The following CCR6 variants were observed in gnomAD, a reference collection of about 807,000 sequenced individuals.
CCR6 encodes C-C motif chemokine receptor 6.
In CCR6, 2 loss-of-function variants were observed where a neutral mutation model predicts 3.0. The ratio of observed to expected loss-of-function variants is 0.66; its 90% CI spans 0.27 to 2.07. The LOEUF (loss-of-function observed/expected upper bound fraction) is 2.07, where lower values mean the gene tolerates loss of function less well. Among genes scored for constraint, CCR6 ranks in the 30% most tolerant of loss-of-function variants. The pLI is 0.14. For missense variants in CCR6, 322 were observed against 462.8 expected (o/e 0.70, Z 2.79); for synonymous variants, 193 against 184.3 (o/e 1.05, Z -0.38).
chr6:167,114,486 T>C (rs965825701), intron 1 of CCR6, among the ~76,000 whole-genome samples: 8 of 152,124 alleles, frequency 5.3e-5, no homozygotes, highest in African/African-American at 1.9e-4. Context: ...ACAGTGCACT[T>C]GGAAACCCTT....
chr6:167,132,161 G>A (rs780609427), intron 1 of CCR6, among the ~76,000 whole-genome samples: 4 of 152,170 alleles, frequency 2.6e-5, no homozygotes, highest in East Asian at 3.9e-4. Context: ...TTAGTCGCCC[G>A]TTCCTTTTCA....
rs373043902 is a variant in CCR6 at position 167,137,407 on chromosome 6, T to A, written c.*52T>A. 3.1e-5 allele frequency: 48 copies of A among 1,524,312 alleles called. No individual in the cohort carries two copies. In the African/African-American group the frequency reaches 6.0e-4, roughly 19 times the overall value. 94.4% of individuals were successfully genotyped at this position (1,524,312 alleles called of 1,614,324 possible). A position where few individuals can be genotyped will look rare whatever the true frequency, so the allele number is the denominator to read the frequency against. Reference sequence around the variant, plus strand: ...GTGTGAAACATACTCATAGATGTTATGCAAAAAAAAGTCTATGGCCAGGTA... The same window carrying A: ...GTGTGAAACATACTCATAGATGTTAAGCAAAAAAAAGTCTATGGCCAGGTA... On this transcript the variant is annotated 3_prime_UTR_variant, in exon 3 of 3. Transcript: ENST00000341935. The surrounding 1 kb of genome is among the most constrained non-coding windows in gnomAD (Gnocchi z 4.6).
chr6:167,122,508 G>T (rs1301512267), upstream of CCR6, among the ~76,000 whole-genome samples: 1 of 152,204 alleles, frequency 6.6e-6, no homozygotes, highest in East Asian at 1.9e-4. The surrounding 1 kb of genome is among the most constrained non-coding windows in gnomAD (Gnocchi z 4.2). Context: ...TGCTCTCAAA[G>T]TATCTTGTAA....
In CCR6 at chr6:167,138,369, C is replaced by T. The variant is rs1046307596; in HGVS notation, c.*1014C>T. On this transcript the variant is annotated 3_prime_UTR_variant, in exon 3 of 3. Transcript: ENST00000341935. Reference sequence around the variant, plus strand: ...GACAATGTAGAAAGAAGTTTTGTTCCGTTTCTTTAATGTGGTTGAAGAGCA... The same window carrying T: ...GACAATGTAGAAAGAAGTTTTGTTCTGTTTCTTTAATGTGGTTGAAGAGCA... 8.0e-5 allele frequency: 12 copies of T among 150,394 alleles called. No individual in the cohort carries two copies. The highest frequency in any genetic ancestry group is 2.9e-4 in the African/African-American group (12 of 40,690). The allele number at this position is 150,394 out of a possible 1,614,324, so 9.3% of individuals were successfully genotyped here. A position where few individuals can be genotyped will look rare whatever the true frequency, so the allele number is the denominator to read the frequency against.
chr6:167,136,560 G>T lies in CCR6; in HGVS notation c.330G>T (p.Ala110=). The T allele has an allele frequency of 1.2e-6, 2 of 1,603,984 alleles. No homozygotes were observed. The highest frequency in any genetic ancestry group is 1.7e-6 in the Non-Finnish European group (2 of 1,173,982). The change falls in exon 3 of 3, where the codon GCG becomes GCT. Residue 110 remains alanine, a synonymous_variant. Coordinates refer to ENST00000341935, the MANE Select transcript of CCR6 (RefSeq NM_031409.4). This position sits in a 1 kb window ranked among gnomAD's most constrained non-coding sequence, Gnocchi z 4.6. ...PFWAVSHATG[A]WVFSNATCKL... ...GGGCAGTGAGTCATGCCACCGGTGC[G>T]TGGGTTTTCAGCAATGCCACGTGCA...
intron 1 of CCR6, among the ~76,000 whole-genome samples, chr6:167,114,365 G>C (rs1237098774): frequency 6.6e-6 from 1 of 152,192 alleles, no homozygotes; most frequent in Non-Finnish European, 1.5e-5. Flanking sequence ...GTGGTCTTCT[G>C]AGCAGTGGTA....
At position 167,137,118 on chromosome 6, in the gene CCR6, T is replaced by A; in HGVS notation, c.888T>A (p.Tyr296Ter). The change falls in exon 3 of 3, where the codon TAT becomes TAA. Residue 296 changes from tyrosine (Y) to a stop codon, truncating the protein, a stop_gained. Coordinates refer to ENST00000341935, the MANE Select transcript of CCR6 (RefSeq NM_031409.4). LOFTEE classifies it low-confidence loss of function (END_TRUNC). This position sits in a 1 kb window ranked among gnomAD's most constrained non-coding sequence, Gnocchi z 4.6. ...GCCAGAGCGAAAAGCTAATTGGCTA[T>A]ACGAAAACTGTCACAGAAGTCCTGG... Reference protein sequence around the residue: ...RSCQSEKLIGYTKTVTEVLAF... With the variant: ...RSCQSEKLIG 1.2e-6 allele frequency: 2 copies of A among 1,614,174 alleles called. No individual in the cohort carries two copies. The highest frequency in any genetic ancestry group is 1.7e-6 in the Non-Finnish European group (2 of 1,180,028).
intron 1 of CCR6, among the ~76,000 whole-genome samples, chr6:167,127,834 C>A (rs1310902764): frequency 2.6e-5 from 4 of 152,174 alleles, no homozygotes; most frequent in African/African-American, 4.8e-5. Context: ...TCCCAGGCTT[C>A]TTTCCACTAG....
chr6:167,123,693 T>C (rs1018878372), intron 1 of CCR6, among the ~76,000 whole-genome samples: 1 of 151,764 alleles, frequency 6.6e-6, no homozygotes, highest in East Asian at 1.9e-4. Context: ...TGAGGGGGAG[T>C]TAAGAGAAAT....
intron 1 of CCR6, among the ~76,000 whole-genome samples, chr6:167,130,294 C>T (rs1485535918): frequency 1.3e-5 from 2 of 151,790 alleles, no homozygotes; most frequent in African/African-American, 4.9e-5. Flanking sequence ...TTCCCTGCAT[C>T]TCTCATCTGC....
intron 1 of CCR6, among the ~76,000 whole-genome samples, chr6:167,117,403 CTTTTTT>C (rs1304218953): frequency 1.9e-5 from 2 of 105,022 alleles, no homozygotes; most frequent in African/African-American, 6.9e-5. Flanking sequence ...ACTCTATTTT[CTTTTTT>C]TTTTTCTTTT....
intron 1 of CCR6, among the ~76,000 whole-genome samples, chr6:167,117,694 C>A (rs1205310190): frequency 6.6e-6 from 1 of 151,940 alleles, no homozygotes; most frequent in Non-Finnish European, 1.5e-5. Flanking sequence ...GGATTACAGG[C>A]GTGAGCCACC....
At chr6:167,124,701 C>T (rs965939916) in intron 1 of CCR6, among the ~76,000 whole-genome samples, 9 of 152,072 alleles carry the variant, frequency 5.9e-5, no homozygotes, top group Admixed American at 5.9e-4. Context: ...ATGATGTCTA[C>T]CTTAAAGGGT....
intron 1 of CCR6, among the ~76,000 whole-genome samples, chr6:167,117,706 C>T (rs554109055): frequency 1.1e-4 from 17 of 152,102 alleles, no homozygotes; most frequent in East Asian, 3.9e-4. Flanking sequence ...TGAGCCACCG[C>T]GCCCGGCCTC....
intron 1 of CCR6, among the ~76,000 whole-genome samples, chr6:167,113,606 C>G (rs982579251): frequency 6.6e-6 from 1 of 152,170 alleles, no homozygotes; most frequent in African/African-American, 2.4e-5. Flanking sequence ...CAGGGTTGGA[C>G]GACGCCCAGC....
At chr6:167,117,415 C>CTTTTT (rs35058463) in intron 1 of CCR6, among the ~76,000 whole-genome samples, 6 of 109,896 alleles carry the variant, frequency 5.5e-5, no homozygotes, top group African/African-American at 7.5e-5. Context: ...TTTTTTTTTT[C>CTTTTT]TTTTTTTTTT....
chr6:167,130,102 G>A (rs572705022), intron 1 of CCR6, among the ~76,000 whole-genome samples: 20 of 151,864 alleles, frequency 1.3e-4, no homozygotes, highest in Admixed American at 1.2e-3. Flanking sequence ...TGAGCTGAAT[G>A]TATTTTACAT....
chr6:167,117,333 G>C (rs1474926681), intron 1 of CCR6, among the ~76,000 whole-genome samples: 2 of 151,032 alleles, frequency 1.3e-5, no homozygotes, highest in Non-Finnish European at 2.9e-5. Context: ...AATGGAAGGT[G>C]TTACCTGCTT....
At chr6:167,117,449 C>G (rs1326103296) in intron 1 of CCR6, among the ~76,000 whole-genome samples, 1 of 128,620 alleles carries the variant, frequency 7.8e-6, no homozygotes, top group Non-Finnish European at 1.6e-5. Flanking sequence ...CGGAGTTTCG[C>G]TCTGTCGCCC....
Sources: gnomAD v4.1 joint callset for allele counts (sites outside exome capture counted in the v4.1 genomes callset) on GRCh38, gnomAD v4.1.1 for gene constraint, Gnocchi (gnomAD v3.1) non-coding constraint, MANE v1.5 for transcripts, NCBI Gene and HGNC (gene_info 2026-07-23, HGNC 2026-07-21) for gene names.